The following CDC42BPA variants were observed in gnomAD, a reference collection of about 807,000 sequenced individuals.
The protein encoded by CDC42BPA is serine/threonine-protein kinase MRCK alpha.
Under a neutral mutation model 223.5 loss-of-function variants are expected in CDC42BPA, and 80 were observed. The ratio of observed to expected loss-of-function variants is 0.36; its 90% CI spans 0.30 to 0.43. CDC42BPA has a LOEUF of 0.43. Among genes scored for constraint, CDC42BPA ranks in the 20% least tolerant of loss-of-function variants. The probability of loss-of-function intolerance (pLI) is 1.00; values close to 1 mark genes in which losing one functional copy is unlikely to be tolerated. For synonymous variants in CDC42BPA, 694 were observed against 718.6 expected (o/e 0.97, Z 0.55); for missense variants, 1,743 against 2,099.9 (o/e 0.83, Z 3.32).
chr1:227,015,495 T>A (rs1214464153), intron 34 of CDC42BPA, among the ~76,000 whole-genome samples: 1 of 152,136 alleles, frequency 6.6e-6, no homozygotes, highest in Non-Finnish European at 1.5e-5. Flanking sequence ...GCCTCAGCAA[T>A]CCTCATGCCT....
intron 34 of CDC42BPA, chr1:227,011,061 T>C: frequency 1.5e-6 from 2 of 1,325,644 alleles, no homozygotes; most frequent in Non-Finnish European, 2.0e-6. Context: ...AAGGGAAACC[T>C]GGCTATCAAA....
chr1:227,210,378 G>C (rs1374413765), intron 3 of CDC42BPA, among the ~76,000 whole-genome samples: 1 of 152,120 alleles, frequency 6.6e-6, no homozygotes, highest in African/African-American at 2.4e-5. Context: ...GAGGTCCCTA[G>C]CTGGTCTACC....
chr1:227,145,556 A>T lies in CDC42BPA; in HGVS notation c.1076T>A (p.Ile359Asn). Reference sequence around the variant, plus strand: ...ATCTGTTGGGCTACTAACTTCTGGAATATAAGGTGCTTCACAGTTCCGAAT... The same window carrying T: ...ATCTGTTGGGCTACTAACTTCTGGATTATAAGGTGCTTCACAGTTCCGAAT... Reference protein sequence around the residue: ...DNIRNCEAPYIPEVSSPTDTS... With the variant: ...DNIRNCEAPYNPEVSSPTDTS... Residue 359 changes from isoleucine (I) to asparagine (N), a missense_variant, in exon 8 of 37, where the codon ATT becomes AAT. By Grantham distance (149) the Ile-to-Asn change is moderately radical (BLOSUM62 -3). Coordinates refer to ENST00000366766, the MANE Select transcript of CDC42BPA (RefSeq NM_001394014.1). 1 of 1,613,628 alleles carries T rather than the reference A, an allele frequency of 6.2e-7. No individual in the cohort carries two copies. Among genetic ancestry groups the T allele is most frequent in the Non-Finnish European group, 8.5e-7 (1 of 1,179,632 alleles).
chr1:227,143,412 C>T (rs1339836357), intron 8 of CDC42BPA, among the ~76,000 whole-genome samples: 1 of 152,138 alleles, frequency 6.6e-6, no homozygotes, highest in Non-Finnish European at 1.5e-5. Flanking sequence ...GCTCACATTC[C>T]CAGCTGAGGT....
At chr1:227,049,196 G>A (rs1254344323) in intron 22 of CDC42BPA, among the ~76,000 whole-genome samples, 3 of 151,656 alleles carry the variant, frequency 2.0e-5, no homozygotes, top group Non-Finnish European at 2.9e-5. Flanking sequence ...AAACAAAGTC[G>A]TCAAATTTAC....
Position 227,205,736 on chromosome 1 carries a change from G to C in CDC42BPA, c.355-6084C>G, listed in dbSNP as rs549341260. 8.5e-5 allele frequency among the ~76,000 whole-genome samples: 13 copies of C among 152,182 alleles called. No homozygotes were observed. The East Asian group carries it at 2.3e-3, about 27-fold the overall frequency. On this transcript the variant is annotated intron_variant, in intron 3 of 36. Transcript: ENST00000366766. The stretch of plus-strand genomic sequence containing the variant: ...CTTATTATCTTCAGTTTATACATGA[G>C]AAAATTGAGCCTTAGAAAGGTTTAA...
intron 1 of CDC42BPA, among the ~76,000 whole-genome samples, chr1:227,298,355 C>G (rs1212827708): frequency 6.7e-6 from 1 of 148,520 alleles, no homozygotes; most frequent in Non-Finnish European, 1.5e-5. Context: ...CAACTTGAGG[C>G]ATTTTTTTTG....
chr1:227,225,620 T>G (rs1471385255), intron 2 of CDC42BPA, among the ~76,000 whole-genome samples: 1 of 152,242 alleles, frequency 6.6e-6, no homozygotes, highest in Non-Finnish European at 1.5e-5. Context: ...AAGTATTTTA[T>G]ATCTTTATTC....
chr1:227,058,457 C>T (rs182884829), intron 21 of CDC42BPA, among the ~76,000 whole-genome samples: 8 of 152,278 alleles, frequency 5.3e-5, no homozygotes, highest in Admixed American at 4.6e-4. Context: ...TCAGTCTCCA[C>T]GGAGATGACT....
chr1:227,031,071 G>GT (rs1025962513), intron 28 of CDC42BPA, among the ~76,000 whole-genome samples: 1 of 151,800 alleles, frequency 6.6e-6, no homozygotes, highest in Non-Finnish European at 1.5e-5. Flanking sequence ...TAGCACTGTT[G>GT]TTTTTTCAGG....
In CDC42BPA at chr1:226,991,022, A is replaced by C. The variant is rs936956766; in HGVS notation, c.*3246T>G. The C allele has an allele frequency of 1.3e-5, 2 of 152,628 alleles. No homozygotes were observed. The highest frequency in any genetic ancestry group is 2.9e-5 in the Non-Finnish European group (2 of 68,044). The allele number at this position is 152,628 out of a possible 1,614,324, so 9.5% of individuals were successfully genotyped here. Reference sequence around the variant, plus strand: ...GGATGTGTATAAATACATACATAATAACAAAAAATGTAAGATCTACTTTAG... The same window carrying C: ...GGATGTGTATAAATACATACATAATCACAAAAAATGTAAGATCTACTTTAG... On this transcript the variant is annotated 3_prime_UTR_variant, in exon 37 of 37. Coordinates refer to ENST00000366766, the MANE Select transcript of CDC42BPA (RefSeq NM_001394014.1).
chr1:227,193,770 T>G lies in CDC42BPA; in HGVS notation c.599+16A>C, dbSNP rs77722489. The stretch of plus-strand genomic sequence containing the variant: ...CATGGTAACTCACAGCCAGGTACAA[T>G]GAAGGACTGTTTTACCTGTGTACAT... On this transcript the variant is annotated intron_variant, in intron 5 of 36. Coordinates refer to ENST00000366766, the MANE Select transcript of CDC42BPA (RefSeq NM_001394014.1). 0.026 allele frequency: 41,116 copies of G among 1,578,228 alleles called. 617 individuals are homozygous for G. The highest frequency in any genetic ancestry group is 0.042 in the Middle Eastern group (248 of 5,938).
chr1:227,205,305 T>C (rs12094239), intron 3 of CDC42BPA, among the ~76,000 whole-genome samples: 97,167 of 127,694 alleles, frequency 0.76, 36,304 homozygotes, highest in Non-Finnish European at 0.81. Context: ...TATATATATA[T>C]ACACACACAC....
chr1:227,276,521 C>G (rs1372949195), intron 1 of CDC42BPA, among the ~76,000 whole-genome samples: 3 of 150,952 alleles, frequency 2.0e-5, no homozygotes, highest in African/African-American at 7.3e-5. Flanking sequence ...CGGCAGTCAC[C>G]CCGTCCGGGA....
chr1:227,277,875 G>A (rs957981259), intron 1 of CDC42BPA, among the ~76,000 whole-genome samples: 32 of 151,910 alleles, frequency 2.1e-4, no homozygotes, highest in African/African-American at 6.3e-4. Context: ...TCAGCCTCCC[G>A]AGTAGCTAGG....
intron 35 of CDC42BPA, among the ~76,000 whole-genome samples, chr1:227,000,157 A>G (rs552448346): frequency 6.6e-6 from 1 of 151,792 alleles, no homozygotes; most frequent in Non-Finnish European, 1.5e-5. Flanking sequence ...TGATTCCAGA[A>G]GGCCCCTCGG....
chr1:227,039,051 A>G (rs1168283774), intron 24 of CDC42BPA, among the ~76,000 whole-genome samples: 2 of 152,226 alleles, frequency 1.3e-5, no homozygotes, highest in African/African-American at 4.8e-5. Flanking sequence ...CCTCCTGCTC[A>G]GTCCTCTCAT....
intron 31 of CDC42BPA, among the ~76,000 whole-genome samples, chr1:227,025,103 C>T (rs1206326938): frequency 2.0e-5 from 3 of 152,070 alleles, no homozygotes; most frequent in Non-Finnish European, 4.4e-5. Context: ...ATTAGCAGGG[C>T]ATGGTGGTGT....
At chr1:227,129,657 A>C (rs1160483155) in intron 10 of CDC42BPA, among the ~76,000 whole-genome samples, 1 of 121,744 alleles carries the variant, frequency 8.2e-6, no homozygotes, top group African/African-American at 3.3e-5. Context: ...ACAAAGTGAG[A>C]CTGTATCTCA....
Sources: gnomAD v4.1 joint callset for allele counts (sites outside exome capture counted in the v4.1 genomes callset) on GRCh38, gnomAD v4.1.1 for gene constraint, MANE v1.5 for transcripts, NCBI Gene and HGNC (gene_info 2026-07-23, HGNC 2026-07-21) for gene names.